KMT2C: variants seen among roughly 807,000 people sequenced by gnomAD.
KMT2C encodes the protein lysine methyltransferase 2C.
Under a neutral mutation model 507.9 loss-of-function variants are expected in KMT2C, and 88 were observed. The ratio of observed to expected loss-of-function variants is 0.17; its 90% CI spans 0.15 to 0.21. The LOEUF (loss-of-function observed/expected upper bound fraction) is 0.21, where lower values mean the gene tolerates loss of function less well. Among genes scored for constraint, KMT2C ranks in the 10% least tolerant of loss-of-function variants. The pLI is 1.00. For synonymous variants in KMT2C, 2,049 were observed against 2,080.8 expected (o/e 0.98, Z 0.42); for missense variants, 4,954 against 5,957.8 (o/e 0.83, Z 5.55).
At position 152,194,120 on chromosome 7, in the gene KMT2C, C is replaced by T. The variant is rs776685589; in HGVS notation, c.4549G>A (p.Gly1517Arg). The change falls in exon 31 of 59, where the codon GGA becomes AGA. Residue 1517 changes from glycine (G) to arginine (R), a missense_variant. By Grantham distance (125) the Gly-to-Arg change is moderately radical (BLOSUM62 -2). Coordinates refer to ENST00000262189, the MANE Select transcript of KMT2C (RefSeq NM_170606.3). ...GTAAATAAGTCTTCAACATCTTTTC[C>T]GCCAAGCTCTAGGAGATAAAACAAT... ...GKLYKIPELG[G>R]KDVEDLFTAV... 7.0e-6 allele frequency: 11 copies of T among 1,574,230 alleles called. No homozygotes were observed. Among genetic ancestry groups the T allele is most frequent in the South Asian group, 2.4e-5 (2 of 83,534 alleles).
chr7:152,138,754 G>T lies in KMT2C; in HGVS notation c.14643+42C>A. On this transcript the variant is annotated intron_variant, in intron 58 of 58. Transcript: ENST00000262189. The surrounding 1 kb of genome is among the most constrained non-coding windows in gnomAD (Gnocchi z 4.2). Reference sequence around the variant, plus strand: ...GTGTGAGGAGGGAACTATTCGCCCAGGATCTGAACAACATGGCAGATGCAA... The same window carrying T: ...GTGTGAGGAGGGAACTATTCGCCCATGATCTGAACAACATGGCAGATGCAA... The T allele has an allele frequency of 8.2e-7, 1 of 1,224,290 alleles. No homozygotes were observed. Among genetic ancestry groups the T allele is most frequent in the South Asian group, 1.4e-5 (1 of 71,966 alleles). The allele number at this position is 1,224,290 out of a possible 1,614,324, so 75.8% of individuals were successfully genotyped here. A position where few individuals can be genotyped will look rare whatever the true frequency, so the allele number is the denominator to read the frequency against.
At position 152,180,084 on chromosome 7, in the gene KMT2C, T is replaced by G. The variant is rs199877018; in HGVS notation, c.7192A>C (p.Lys2398Gln). The change falls in exon 37 of 59, where the codon AAG becomes CAG. Residue 2398 changes from lysine (K) to glutamine (Q), a missense_variant. Around this residue, in one of 29 missense-constraint regions of KMT2C, gnomAD observed 1,689 missense variants for 1,654.3 expected, o/e 1.02. Transcript: ENST00000262189. ...TTCTCCTGTCGACCTGCAATCTTCT[T>G]CTGCTGTTGCTGCTGGAGAATGATT... ...REIILQQQQQ[K>Q]KIAGRQEKGS... 1.2e-6 allele frequency: 2 copies of G among 1,614,200 alleles called. No homozygotes were observed. Among genetic ancestry groups the G allele is most frequent in the East Asian group, 2.2e-5 (1 of 44,884 alleles).
chr7:152,411,784 TTTC>T, intron 1 of KMT2C, among the ~76,000 whole-genome samples: 4 of 152,302 alleles, frequency 2.6e-5, no homozygotes, highest in African/African-American at 9.6e-5. Flanking sequence ...AAATCTAGGA[TTTC>T]TTTAAATAAT....
In KMT2C at chr7:152,181,949, T is replaced by G; in HGVS notation, c.5911A>C (p.Arg1971=). The stretch of plus-strand genomic sequence containing the variant: ...GGAAATTGATCTGTCATCACAGGCC[T>G]AGGTGTGTCTGGAGGTTTTGCATAG... ...DPYAKPPDTP[R]PVMTDQFPKS... Residue 1971 remains arginine (R), a synonymous_variant, in exon 36 of 59, where the codon AGG becomes CGG. Coordinates refer to ENST00000262189, the MANE Select transcript of KMT2C (RefSeq NM_170606.3). The G allele has an allele frequency of 6.2e-7, 1 of 1,614,180 alleles. No individual in the cohort carries two copies. Among genetic ancestry groups the G allele is most frequent in the Non-Finnish European group, 8.5e-7 (1 of 1,180,032 alleles).
In KMT2C at chr7:152,235,207, G is replaced by GTATGTATATATATATATATATA. The variant is rs950086494; in HGVS notation, c.2769+609_2769+610insTATATATATATATATATACATA. ...TGATTGTGGTATCGTTTTCAAGGGT[G>GTATGTATATATATATATATATA]TATATATATATATATATCAAAGCTT... is the stretch of plus-strand genomic sequence containing the variant. On this transcript the variant is annotated intron_variant, in intron 16 of 58. Transcript: ENST00000262189. 2.9e-3 allele frequency among the ~76,000 whole-genome samples: 407 copies of GTATGTATATATATATATATATA among 142,464 alleles called. 10 individuals are homozygous for GTATGTATATATATATATATATA. Among genetic ancestry groups the GTATGTATATATATATATATATA allele is most frequent in the African/African-American group, 0.011 (389 of 36,668 alleles). The allele number at this position is 142,464 out of a possible 152,430, so 93.5% of individuals were successfully genotyped here. A position where few individuals can be genotyped will look rare whatever the true frequency, so the allele number is the denominator to read the frequency against.
intron 45 of KMT2C, 68 bp from the exon 46 acceptor site, chr7:152,156,125 A>C: frequency 6.2e-7 from 1 of 1,600,534 alleles, no homozygotes; most frequent in South Asian, 1.1e-5. Flanking sequence ...AGAACTTTAC[A>C]ATTCTATTGC....
At chr7:152,277,514 A>G (rs2096105281) in intron 6 of KMT2C, among the ~76,000 whole-genome samples, 1 of 152,216 alleles carries the variant, frequency 6.6e-6, no homozygotes, top group Non-Finnish European at 1.5e-5. Context: ...CAGATGAGGA[A>G]CCTAAAACCG....
chr7:152,339,609 A>G (rs966001213), intron 2 of KMT2C, among the ~76,000 whole-genome samples: 5 of 152,144 alleles, frequency 3.3e-5, no homozygotes, highest in African/African-American at 1.2e-4. Flanking sequence ...TATTTGAAAA[A>G]GAGTCCATGG....
chr7:152,275,713 C>T (rs951375118), intron 6 of KMT2C, among the ~76,000 whole-genome samples: 8 of 152,118 alleles, frequency 5.3e-5, no homozygotes, highest in African/African-American at 1.9e-4. Context: ...ACTACAAATA[C>T]AACACCTCGG....
At chr7:152,363,523 A>G (rs2097213014) in intron 1 of KMT2C, among the ~76,000 whole-genome samples, 1 of 152,208 alleles carries the variant, frequency 6.6e-6, no homozygotes, top group Admixed American at 6.5e-5. Context: ...CAAATATAAG[A>G]AACAACCTTA....
intron 2 of KMT2C, among the ~76,000 whole-genome samples, chr7:152,338,001 C>T (rs1176483775): frequency 2.0e-5 from 3 of 152,026 alleles, no homozygotes; most frequent in Non-Finnish European, 4.4e-5. Flanking sequence ...GGACTACAGG[C>T]GCCCGGCACC....
intron 1 of KMT2C, among the ~76,000 whole-genome samples, chr7:152,384,057 CGT>C (rs1245190402): frequency 1.4e-4 from 20 of 143,840 alleles, no homozygotes; most frequent in South Asian, 2.1e-4. Flanking sequence ...TGTGTGTGTG[CGT>C]GTGTGTAGGC....
rs1410623909 is a variant in KMT2C at position 152,162,281 on chromosome 7, G to A, written c.11296C>T (p.Pro3766Ser). Residue 3766 changes from proline to serine, a missense_variant, in exon 43 of 59, where the codon CCT becomes TCT. Pro to Ser is a moderately conservative substitution (Grantham distance 74). Transcript: ENST00000262189. ...TTCCCTGAGTCTCCTTTGGCAGCAG[G>A]GGCCCCAGCAGAATGGGGAGGACTC... ...AQSPPHSAGA[P>S]AAKGDSGNEL... The A allele has an allele frequency of 6.2e-7, 1 of 1,614,022 alleles. No individual in the cohort carries two copies. The highest frequency in any genetic ancestry group is 2.2e-5 in the East Asian group (1 of 44,896).
At chr7:152,425,016 G>T (rs947848488) in intron 1 of KMT2C, among the ~76,000 whole-genome samples, 1 of 152,084 alleles carries the variant, frequency 6.6e-6, no homozygotes, top group African/African-American at 2.4e-5. Flanking sequence ...TGAGTCACAG[G>T]GCTAGGCGAG....
At chr7:152,184,606 G>A (rs1397705703) in intron 34 of KMT2C, among the ~76,000 whole-genome samples, 1 of 152,196 alleles carries the variant, frequency 6.6e-6, no homozygotes, top group East Asian at 1.9e-4. Context: ...GGAAGACACT[G>A]AGGCATGCCA....
intron 24 of KMT2C, among the ~76,000 whole-genome samples, chr7:152,206,578 A>C (rs972890986): frequency 1.3e-4 from 20 of 152,194 alleles, no homozygotes; most frequent in African/African-American, 4.6e-4. Context: ...GATTGTACAA[A>C]TCCAATTTAA....
At chr7:152,282,871 T>C (rs1048318290) in intron 6 of KMT2C, among the ~76,000 whole-genome samples, 32 of 152,056 alleles carry the variant, frequency 2.1e-4, no homozygotes, top group Admixed American at 2.1e-3. Flanking sequence ...TTAGAAAAAT[T>C]AAGTTTTTTC....
intron 38 of KMT2C, among the ~76,000 whole-genome samples, chr7:152,175,453 T>C (rs1029757307): frequency 2.0e-5 from 3 of 151,324 alleles, no homozygotes; most frequent in African/African-American, 7.4e-5. Context: ...TTTCTCCTAA[T>C]GCTATCCGTC....
At position 152,158,854 on chromosome 7, in the gene KMT2C, C is replaced by T. The variant is rs762543455; in HGVS notation, c.11670+9G>A. The T allele has an allele frequency of 6.2e-7, 1 of 1,613,432 alleles. No homozygotes were observed. Among genetic ancestry groups the T allele is most frequent in the East Asian group, 2.2e-5 (1 of 44,874 alleles). On this transcript the variant is annotated intron_variant, in intron 44 of 58. Transcript: ENST00000262189. Reference sequence around the variant, plus strand: ...TTAAAAGAGGCTGCTCTAAATGACTCACCCTCACCTGTTTCAAGTGGGTAA... The same window carrying T: ...TTAAAAGAGGCTGCTCTAAATGACTTACCCTCACCTGTTTCAAGTGGGTAA...
Sources: allele counts gnomAD v4.1 joint callset (sites outside exome capture counted in the v4.1 genomes callset), GRCh38; gene constraint gnomAD v4.1.1; regional missense constraint gnomAD v4.1.1; non-coding constraint Gnocchi (gnomAD v3.1); transcripts MANE v1.5; gene names NCBI Gene and HGNC (gene_info 2026-07-23, HGNC 2026-07-21).